The following ARFGEF2 variants were observed in gnomAD, a reference collection of about 807,000 sequenced individuals.
The protein encoded by ARFGEF2 is brefeldin A-inhibited guanine nucleotide-exchange protein 2.
A neutral mutation model predicts 219.9 loss-of-function variants in ARFGEF2; 74 were observed. The observed-to-expected ratio is 0.34, with a 90% CI of 0.28 to 0.41. ARFGEF2 has a LOEUF of 0.41. Among genes scored for constraint, ARFGEF2 ranks in the 10% least tolerant of loss-of-function variants. The pLI, the probability that ARFGEF2 is intolerant of heterozygous loss-of-function variation, is 1.00. For missense variants in ARFGEF2, 1,743 were observed against 2,218.3 expected (o/e 0.79, Z 4.30); for synonymous variants, 733 against 799.2 (o/e 0.92, Z 1.40).
chr20:48,965,122 C>A (rs1406061586), intron 7 of ARFGEF2, among the ~76,000 whole-genome samples: 1 of 151,990 alleles, frequency 6.6e-6, no homozygotes, highest in Non-Finnish European at 1.5e-5. Flanking sequence ...TATTTCATAC[C>A]TTTAGATTTG....
At chr20:48,969,058 T>C in intron 8 of ARFGEF2, 89 bp from the exon 9 acceptor site, 1 of 1,412,336 alleles carries the variant, frequency 7.1e-7, no homozygotes, top group Non-Finnish European at 9.9e-7. Context: ...CCTCCTCGGC[T>C]CAGTGGATCC....
chr20:48,985,684 T>G (rs114778274), intron 16 of ARFGEF2, 71 bp downstream of exon 16: 2 of 1,515,092 alleles, frequency 1.3e-6, no homozygotes, highest in Non-Finnish European at 1.8e-6. Flanking sequence ...CTAATTTGGT[T>G]GGGGTTTAAT....
At chr20:49,028,930 A>G (rs762598072) in intron 37 of ARFGEF2, among the ~76,000 whole-genome samples, 2 of 152,202 alleles carry the variant, frequency 1.3e-5, no homozygotes, top group Non-Finnish European at 2.9e-5. Context: ...ATGGACAGTG[A>G]AAAGTGCTCC....
chr20:49,008,233 G>A lies in ARFGEF2; in HGVS notation c.3585-1999G>A, dbSNP rs143517231. On this transcript the variant is annotated intron_variant, in intron 26 of 38. Coordinates refer to ENST00000371917, the MANE Select transcript of ARFGEF2 (RefSeq NM_006420.3). ...AAGTGTTAAAGTAAATGTTGGTACC[G>A]GTACAACATGGGATATTGTTTTGCT... Among the ~76,000 whole-genome samples, 507 of 152,246 alleles carry A rather than the reference G, an allele frequency of 3.3e-3. 5 individuals are homozygous for A. The highest frequency in any genetic ancestry group is 0.014 in the Middle Eastern group (4 of 294).
chr20:48,950,568 A>C (rs2091059236), intron 3 of ARFGEF2, among the ~76,000 whole-genome samples: 1 of 151,688 alleles, frequency 6.6e-6, no homozygotes, highest in African/African-American at 2.4e-5. Flanking sequence ...TACAGGCAGG[A>C]GGATCGCTTG....
intron 28 of ARFGEF2, among the ~76,000 whole-genome samples, chr20:49,012,680 G>A (rs764402621): frequency 1.3e-5 from 2 of 152,138 alleles, no homozygotes; most frequent in Non-Finnish European, 2.9e-5. Context: ...AAGGTGATAT[G>A]TCTCATCTCT....
chr20:49,026,678 C>A (rs781299126), intron 36 of ARFGEF2, among the ~76,000 whole-genome samples: 1 of 151,504 alleles, frequency 6.6e-6, no homozygotes, highest in African/African-American at 2.4e-5. Context: ...CTCTACCTCC[C>A]GGGTTCAAGC....
At chr20:48,982,596 C>A (rs941880360) in intron 14 of ARFGEF2, among the ~76,000 whole-genome samples, 1 of 152,156 alleles carries the variant, frequency 6.6e-6, no homozygotes, top group Non-Finnish European at 1.5e-5. Context: ...TGCCCTGCCC[C>A]CAGAGGTAGG....
At chr20:49,016,161 C>A in intron 30 of ARFGEF2, 119 bp from the exon 31 acceptor site, 3 of 1,007,446 alleles carry the variant, frequency 3.0e-6, no homozygotes, top group South Asian at 1.4e-5. Context: ...ATTTTTAAGA[C>A]GTATTCTTGA....
At chr20:48,962,107 G>A (rs1381386433) in intron 6 of ARFGEF2, among the ~76,000 whole-genome samples, 1 of 152,194 alleles carries the variant, frequency 6.6e-6, no homozygotes, top group Non-Finnish European at 1.5e-5. Context: ...TTGAACCTGG[G>A]AGGCGGAGGC....
At chr20:49,024,735 C>G (rs1600557366) in intron 35 of ARFGEF2, among the ~76,000 whole-genome samples, 2 of 152,270 alleles carry the variant, frequency 1.3e-5, no homozygotes, top group South Asian at 2.1e-4. Flanking sequence ...TGCAGTGGCT[C>G]ACGCCTGTAA....
At chr20:48,994,316 T>A in intron 21 of ARFGEF2, 135 bp from the exon 22 acceptor site, 1 of 1,031,494 alleles carries the variant, frequency 9.7e-7, no homozygotes, top group Non-Finnish European at 1.5e-6. Flanking sequence ...ATTGAGAGCT[T>A]ACTAAATTTG....
At chr20:48,984,637 A>G in intron 14 of ARFGEF2, 92 bp from the exon 15 acceptor site, 1 of 1,483,736 alleles carries the variant, frequency 6.7e-7, no homozygotes, top group Non-Finnish European at 9.4e-7. Context: ...GCATGTTCAT[A>G]GTATTCTATT....
At chr20:48,929,722 C>T (rs897761352) in intron 1 of ARFGEF2, among the ~76,000 whole-genome samples, 3 of 152,102 alleles carry the variant, frequency 2.0e-5, no homozygotes, top group Admixed American at 6.6e-5. Flanking sequence ...GAGGGAACAA[C>T]CTGAGTGAAG....
intron 16 of ARFGEF2, among the ~76,000 whole-genome samples, chr20:48,987,843 A>G (rs1271134250): frequency 6.6e-6 from 1 of 152,182 alleles, no homozygotes; most frequent in African/African-American, 2.4e-5. Flanking sequence ...GCTGGAGTGC[A>G]GTGTCACAAT....
chr20:49,017,621 T>G, intron 33 of ARFGEF2, 71 bp downstream of exon 33: 1 of 1,522,478 alleles, frequency 6.6e-7, no homozygotes, highest in Admixed American at 1.8e-5. Flanking sequence ...TAAGCCTGTA[T>G]AGTTTGTACT....
chr20:48,940,452 T>C (rs2090986486), intron 1 of ARFGEF2, among the ~76,000 whole-genome samples: 2 of 152,260 alleles, frequency 1.3e-5, no homozygotes, highest in East Asian at 1.9e-4. Context: ...CAATATTTTA[T>C]TGGTTTCAAT....
Position 49,010,293 on chromosome 20 carries a change from G to A in ARFGEF2, c.3646G>A (p.Ala1216Thr). The A allele has an allele frequency of 6.2e-7, 1 of 1,614,110 alleles. No individual in the cohort carries two copies. The highest frequency in any genetic ancestry group is 1.3e-5 in the African/African-American group (1 of 75,040). ...CIAQMVNSQA[A>T]NIRSGWKNIF... ...TGCCCAGATGGTGAACTCCCAGGCG[G>A]CCAACATCCGCTCAGGTTGGAAGAA... The change falls in exon 27 of 39, where the codon GCC becomes ACC. Residue 1216 changes from alanine to threonine, a missense_variant. By Grantham distance (58) the Ala-to-Thr change is moderately conservative (BLOSUM62 0). Coordinates refer to ENST00000371917, the MANE Select transcript of ARFGEF2 (RefSeq NM_006420.3).
intron 37 of ARFGEF2, among the ~76,000 whole-genome samples, chr20:49,030,723 G>A (rs141992689): frequency 0.011 from 1,719 of 152,270 alleles, 14 homozygotes; most frequent in Non-Finnish European, 0.019. Flanking sequence ...GTAGGGCCGG[G>A]CGCGGTGGGT....
Sources: gnomAD v4.1 joint callset for allele counts (sites outside exome capture counted in the v4.1 genomes callset) on GRCh38, gnomAD v4.1.1 for gene constraint, MANE v1.5 for transcripts, NCBI Gene and HGNC (gene_info 2026-07-23, HGNC 2026-07-21) for gene names.